The following ADCY5 variants were observed in gnomAD, a reference collection of about 807,000 sequenced individuals.
The protein encoded by ADCY5 is adenylate cyclase 5, also known as adenylate cyclase type 5.
A neutral mutation model predicts 119.7 loss-of-function variants in ADCY5; 30 were observed. The observed-to-expected ratio is 0.25, with a 90% CI of 0.19 to 0.34. The LOEUF (loss-of-function observed/expected upper bound fraction) is 0.34, where lower values mean the gene tolerates loss of function less well. ADCY5 is among the 10% of genes least tolerant of loss of function. The probability of loss-of-function intolerance (pLI) is 1.00; values close to 1 mark genes in which losing one functional copy is unlikely to be tolerated. For missense variants in ADCY5, 1,324 were observed against 1,775.2 expected, an observed-to-expected ratio of 0.75 and a Z score of 4.57; for synonymous variants, 753 against 762.2, an observed-to-expected ratio of 0.99 and a Z score of 0.20.
intron 15 of ADCY5, among the ~76,000 whole-genome samples, chr3:123,299,036 T>G (rs147562605): frequency 3.6e-4 from 55 of 152,300 alleles, no homozygotes; most frequent in East Asian, 3.5e-3. Flanking sequence ...AAGAATCTTA[T>G]CTGAGCTCCT....
Position 123,300,181 on chromosome 3 carries a change from C to T in ADCY5, c.2839G>A (p.Val947Met), listed in dbSNP as rs1170845765. 5 of 1,613,770 alleles carry T rather than the reference C, an allele frequency of 3.1e-6. No homozygotes were observed. Among genetic ancestry groups the T allele is most frequent in the African/African-American group, 2.7e-5 (2 of 74,950 alleles). Residue 947 changes from valine to methionine, a missense_variant, in exon 15 of 21, where the codon GTG becomes ATG. Val to Met is a conservative substitution (Grantham distance 21). Transcript: ENST00000462833. ...AAGAGCGTGACACCTGGCACCTCCA[C>T]GATGAGCACGTAGATGAGCTCGATG... Reference protein sequence around the residue: ...LAIELIYVLIVEVPGVTLFDN... With the variant: ...LAIELIYVLIMEVPGVTLFDN...
intron 17 of ADCY5, among the ~76,000 whole-genome samples, chr3:123,295,311 G>T (rs1378085907): frequency 2.6e-5 from 4 of 152,224 alleles, no homozygotes; most frequent in African/African-American, 7.2e-5. Context: ...AGAGGCAGAG[G>T]CCGGGCCAGG....
chr3:123,436,848 G>A (rs1945627341), intron 1 of ADCY5, among the ~76,000 whole-genome samples: 1 of 152,156 alleles, frequency 6.6e-6, no homozygotes, highest in South Asian at 2.1e-4. Context: ...GCAGGGCCAG[G>A]GATCCAATCC....
chr3:123,312,285 G>T (rs1032203914), intron 12 of ADCY5, among the ~76,000 whole-genome samples: 30 of 152,206 alleles, frequency 2.0e-4, no homozygotes, highest in African/African-American at 6.8e-4. Flanking sequence ...TAATGACTTT[G>T]CCTCAGTTCC....
intron 15 of ADCY5, 48 bp downstream of exon 15, chr3:123,300,061 TTGCCACCTCCC>T: frequency 6.3e-7 from 1 of 1,576,056 alleles, no homozygotes; most frequent in African/African-American, 1.3e-5. Flanking sequence ...CCTCCTGCTC[TTGCCACCTCCC>T]TGCAATGTCT....
chr3:123,357,399 C>T (rs947151460), intron 1 of ADCY5, among the ~76,000 whole-genome samples: 10 of 152,142 alleles, frequency 6.6e-5, no homozygotes, highest in African/African-American at 1.2e-4. Flanking sequence ...TATCAAGTGT[C>T]TGCTGCAGCA....
Position 123,282,776 on chromosome 3 carries a change from AG to A in ADCY5, c.*1831del, listed in dbSNP as rs1485936550. 7.9e-5 allele frequency: 12 copies of A among 152,262 alleles called. No homozygotes were observed. Among genetic ancestry groups the A allele is most frequent in the African/African-American group, 2.9e-4 (12 of 41,500 alleles). The allele number at this position is 152,262 out of a possible 1,614,324, so 9.4% of individuals were successfully genotyped here. A position where few individuals can be genotyped will look rare whatever the true frequency, so the allele number is the denominator to read the frequency against. The stretch of plus-strand genomic sequence containing the variant: ...TGTTCAGTTGGTGTGCGGGGAGGGG[AG>A]GGTGGTGCTAGAGCCCAGTGAGAGG... On this transcript the variant is annotated 3_prime_UTR_variant, in exon 21 of 21. Coordinates refer to ENST00000462833, the MANE Select transcript of ADCY5 (RefSeq NM_183357.3).
intron 1 of ADCY5, among the ~76,000 whole-genome samples, chr3:123,359,076 T>C (rs888103288): frequency 1.3e-5 from 2 of 152,014 alleles, no homozygotes; most frequent in East Asian, 3.9e-4. Flanking sequence ...AGTTGGAGAC[T>C]AGGGTTGGGG....
At chr3:123,294,179 A>T (rs1939349400) in intron 17 of ADCY5, among the ~76,000 whole-genome samples, 1 of 152,158 alleles carries the variant, frequency 6.6e-6, no homozygotes, top group South Asian at 2.1e-4. Flanking sequence ...TCAATGGAGG[A>T]GGAGGGACAG....
chr3:123,297,438 T>A, intron 15 of ADCY5, 56 bp from the exon 16 acceptor site: 2 of 1,578,178 alleles, frequency 1.3e-6, no homozygotes, highest in South Asian at 1.1e-5. Flanking sequence ...TAAGGCGGCC[T>A]CCACTCCTGC....
chr3:123,416,413 C>T, intron 1 of ADCY5: 1 of 1,368,622 alleles, frequency 7.3e-7, no homozygotes, highest in Non-Finnish European at 9.8e-7. Flanking sequence ...CCTGGACAAC[C>T]TCCCAAAGGG....
chr3:123,284,848 A>T (rs1938627161), intron 20 of ADCY5, 112 bp from the exon 21 acceptor site: 3 of 1,428,016 alleles, frequency 2.1e-6, no homozygotes, highest in African/African-American at 2.8e-5. Context: ...CTGACACAGA[A>T]GGAGAGGGGC....
At position 123,296,236 on chromosome 3, in the gene ADCY5, A is replaced by G; in HGVS notation, c.2931-20T>C. On this transcript the variant is annotated intron_variant, in intron 16 of 20. Transcript: ENST00000462833. ...TCAGGGCTGTGGGGAGGTGGTGGAC[A>G]GGCCTGAGACGGCCGTGGCTCCTCA... 2 of 1,611,730 alleles carry G rather than the reference A, an allele frequency of 1.2e-6. No homozygotes were observed. The highest frequency in any genetic ancestry group is 1.7e-6 in the Non-Finnish European group (2 of 1,178,818).
chr3:123,426,311 T>TTG (rs1945410227), intron 1 of ADCY5, among the ~76,000 whole-genome samples: 1 of 2,668 alleles, frequency 3.7e-4, no homozygotes, highest in African/African-American at 4.4e-4. Context: ...TTTTTTTTTG[T>TTG]TTGTTTTTGT....
chr3:123,368,164 C>T, intron 1 of ADCY5: 2 of 800,068 alleles, frequency 2.5e-6, no homozygotes, highest in Non-Finnish European at 3.7e-6. Flanking sequence ...TCTGAATGCG[C>T]TCATCTCTAT....
chr3:123,438,745 T>C (rs1190304829), intron 1 of ADCY5, among the ~76,000 whole-genome samples: 2 of 152,134 alleles, frequency 1.3e-5, no homozygotes, highest in Non-Finnish European at 2.9e-5. Context: ...ACTTTCTTCC[T>C]TTCCTTTTTA....
At chr3:123,340,013 C>T (rs1329608716) in intron 3 of ADCY5, among the ~76,000 whole-genome samples, 9 of 152,112 alleles carry the variant, frequency 5.9e-5, no homozygotes, top group Admixed American at 1.3e-4. Context: ...TTTTTTGCCA[C>T]GCACAGTGGC....
intron 11 of ADCY5, among the ~76,000 whole-genome samples, chr3:123,316,603 G>A (rs1940922579): frequency 6.6e-6 from 1 of 152,160 alleles, no homozygotes; most frequent in Non-Finnish European, 1.5e-5. Context: ...GAAGGTACTG[G>A]CTTCGGGGAC....
rs375415496 is a variant in ADCY5, at chr3:123,308,690, T to G, written c.2443-4507A>C. 1.4e-4 allele frequency among the ~76,000 whole-genome samples: 21 copies of G among 152,142 alleles called. No individual in the cohort carries two copies. The South Asian group carries it at 3.1e-3, about 23-fold the overall frequency. Reference sequence around the variant, plus strand: ...TAAAAATACAAAAAATTAGCCGGGCTTGGTGGCAGGCACCTGTAGTCCCAG... The same window carrying G: ...TAAAAATACAAAAAATTAGCCGGGCGTGGTGGCAGGCACCTGTAGTCCCAG... On this transcript the variant is annotated intron_variant, in intron 12 of 20. Coordinates refer to ENST00000462833, the MANE Select transcript of ADCY5 (RefSeq NM_183357.3).
Sources: allele counts gnomAD v4.1 joint callset (sites outside exome capture counted in the v4.1 genomes callset), GRCh38; gene constraint gnomAD v4.1.1; transcripts MANE v1.5; gene names NCBI Gene and HGNC (gene_info 2026-07-23, HGNC 2026-07-21).